ASB3: variants seen among roughly 807,000 people sequenced by gnomAD.
The protein encoded by ASB3 is ankyrin repeat and SOCS box protein 3.
ASB3 carries 41 observed loss-of-function variants against 54.5 expected under a neutral mutation model. That is an observed-to-expected ratio of 0.75 (90% CI 0.59 to 0.98). The LOEUF (loss-of-function observed/expected upper bound fraction) is 0.98. Among genes scored for constraint, ASB3 ranks in the 50% least tolerant of loss-of-function variants. The pLI, the probability that ASB3 is intolerant of heterozygous loss-of-function variation, is 0.00. For missense variants in ASB3, 733 were observed against 620.0 expected, an observed-to-expected ratio of 1.18 and a Z score of -1.94; for synonymous variants, 266 against 221.2, an observed-to-expected ratio of 1.20 and a Z score of -1.80.
chr2:53,777,792 G>A (rs1378889247), intron 1 of ASB3, among the ~76,000 whole-genome samples: 1 of 152,132 alleles, frequency 6.6e-6, no homozygotes, highest in African/African-American at 2.4e-5. Context: ...ATGTGTTTGT[G>A]CCTTTTTATT....
At chr2:53,748,919 C>A (rs1053984442) in intron 3 of ASB3, among the ~76,000 whole-genome samples, 5 of 152,104 alleles carry the variant, frequency 3.3e-5, no homozygotes, top group African/African-American at 1.2e-4. Flanking sequence ...TTATGATCAT[C>A]ATATGGTAGT....
chr2:53,752,556 C>T (rs1395564036), intron 2 of ASB3, among the ~76,000 whole-genome samples: 1 of 152,238 alleles, frequency 6.6e-6, no homozygotes, highest in Non-Finnish European at 1.5e-5. Context: ...TGATTTATTT[C>T]CCTTTCTGTG....
chr2:53,752,640 C>T (rs936835401), intron 2 of ASB3, among the ~76,000 whole-genome samples: 16 of 152,384 alleles, frequency 1.0e-4, no homozygotes, highest in African/African-American at 3.8e-4. Context: ...ATGACCTGGG[C>T]AGCATTTGGC....
chr2:53,686,065 G>C (rs975564541), intron 9 of ASB3, among the ~76,000 whole-genome samples: 1 of 152,202 alleles, frequency 6.6e-6, no homozygotes. Flanking sequence ...CCTTTTTAAA[G>C]CCGCGTTATT....
intron 9 of ASB3, among the ~76,000 whole-genome samples, chr2:53,683,116 T>C (rs1335456278): frequency 6.6e-6 from 1 of 152,226 alleles, no homozygotes; most frequent in Non-Finnish European, 1.5e-5. Context: ...TGTGGGTCTG[T>C]CATAAACGGT....
chr2:53,713,297 G>A (rs1670208359), intron 7 of ASB3, among the ~76,000 whole-genome samples: 1 of 152,184 alleles, frequency 6.6e-6, no homozygotes, highest in South Asian at 2.1e-4. Context: ...ATTAAATAGA[G>A]ATTCATAATA....
chr2:53,782,912 G>A (rs1324049280), intron 1 of ASB3, among the ~76,000 whole-genome samples: 2 of 152,110 alleles, frequency 1.3e-5, no homozygotes, highest in South Asian at 4.2e-4. Flanking sequence ...CCAGCCTCTT[G>A]AGTAGCTGGG....
rs117380189 is a variant in ASB3, at chr2:53,702,409, C to G, written c.981-1881G>C. On this transcript the variant is annotated intron_variant, in intron 7 of 9. Coordinates refer to ENST00000263634, the MANE Select transcript of ASB3 (RefSeq NM_016115.5). ...CTATATGACCTTGATTATTACATGT[C>G]ACTAAGCACACAATAAATCCTTGAG... Among the ~76,000 whole-genome samples, 367 of 152,254 alleles carry G rather than the reference C, an allele frequency of 2.4e-3. 15 individuals carry two copies. The East Asian group carries it at 0.067, about 28-fold the overall frequency.
chr2:53,766,425 T>C (rs1294295088), intron 1 of ASB3, among the ~76,000 whole-genome samples: 6 of 152,224 alleles, frequency 3.9e-5, no homozygotes, highest in Admixed American at 3.9e-4. Flanking sequence ...ATAACTATTG[T>C]TAATTTTCTC....
At chr2:53,713,687 G>C (rs1024775061) in intron 7 of ASB3, among the ~76,000 whole-genome samples, 1 of 152,082 alleles carries the variant, frequency 6.6e-6, no homozygotes, top group Non-Finnish European at 1.5e-5. Context: ...CCGAGGCAAG[G>C]GAACTGCTTG....
chr2:53,670,056 C>G lies in ASB3; in HGVS notation c.*447G>C, dbSNP rs1667739946. The G allele has an allele frequency of 6.6e-6, 1 of 150,886 alleles. No individual in the cohort carries two copies. Among genetic ancestry groups the G allele is most frequent in the African/African-American group, 2.4e-5 (1 of 40,916 alleles). 9.3% of individuals were successfully genotyped at this position (150,886 alleles called of 1,614,324 possible). On this transcript the variant is annotated 3_prime_UTR_variant, in exon 10 of 10. Transcript: ENST00000263634. ...ATAATAATGATAATAATAACAGATT[C>G]TACACCACAGTTGTATACACTTCCA...
intron 4 of ASB3, among the ~76,000 whole-genome samples, chr2:53,729,092 A>G (rs989932201): frequency 2.0e-5 from 3 of 152,196 alleles, no homozygotes; most frequent in African/African-American, 7.2e-5. Flanking sequence ...TATAAACCTT[A>G]TAGAATCCTG....
chr2:53,731,647 C>A (rs571400778), intron 3 of ASB3, among the ~76,000 whole-genome samples: 1 of 152,100 alleles, frequency 6.6e-6, no homozygotes, highest in Non-Finnish European at 1.5e-5. Flanking sequence ...ACAGTATCCA[C>A]GACAGTTTCT....
chr2:53,754,442 G>T (rs1028053276), intron 2 of ASB3, among the ~76,000 whole-genome samples: 2 of 152,096 alleles, frequency 1.3e-5, no homozygotes, highest in Admixed American at 1.3e-4. Flanking sequence ...ATGAAGTAAA[G>T]AAAATAAAAG....
At chr2:53,673,758 C>T (rs541516202) in intron 9 of ASB3, among the ~76,000 whole-genome samples, 1 of 152,332 alleles carries the variant, frequency 6.6e-6, no homozygotes, top group East Asian at 1.9e-4. Flanking sequence ...TTCAGAATAT[C>T]TTTCCATTTA....
At chr2:53,712,763 C>T (rs1277429021) in intron 7 of ASB3, among the ~76,000 whole-genome samples, 2 of 152,158 alleles carry the variant, frequency 1.3e-5, no homozygotes, top group Admixed American at 6.5e-5. Flanking sequence ...CACACACACA[C>T]ACACAGGCGC....
intron 9 of ASB3, among the ~76,000 whole-genome samples, chr2:53,686,204 G>A (rs1402003382): frequency 2.0e-5 from 3 of 152,148 alleles, no homozygotes; most frequent in Non-Finnish European, 4.4e-5. Flanking sequence ...GAGAGCTCTC[G>A]TGATTGGGTC....
chr2:53,758,582 T>C (rs1572981155), intron 2 of ASB3, among the ~76,000 whole-genome samples: 1 of 152,210 alleles, frequency 6.6e-6, no homozygotes, highest in Non-Finnish European at 1.5e-5. Context: ...ATATTGGGCA[T>C]GCTGGTAAAG....
chr2:53,757,107 C>T (rs536194469), intron 2 of ASB3, among the ~76,000 whole-genome samples: 211 of 152,274 alleles, frequency 1.4e-3, no homozygotes, highest in Non-Finnish European at 2.4e-3. Context: ...ATTTTGGTGA[C>T]CACAAAGGGA....
Sources: gnomAD v4.1 joint callset for allele counts (sites outside exome capture counted in the v4.1 genomes callset) on GRCh38, gnomAD v4.1.1 for gene constraint, MANE v1.5 for transcripts, NCBI Gene and HGNC (gene_info 2026-07-23, HGNC 2026-07-21) for gene names.